Variants in CEACAM6 observed in about 807,000 individuals in gnomAD.
CEACAM6 encodes the protein cell adhesion molecule CEACAM6.
In CEACAM6, 21 loss-of-function variants were observed where a neutral mutation model predicts 32.4. The ratio of observed to expected loss-of-function variants is 0.65; its 90% CI spans 0.46 to 0.93. The LOEUF is 0.93. Ranked by LOEUF, CEACAM6 falls within the 40% of genes least tolerant of loss-of-function variation. The pLI is 0.00. For synonymous variants in CEACAM6, 184 were observed against 174.4 expected (o/e 1.06, Z -0.43); for missense variants, 406 against 432.2 (o/e 0.94, Z 0.54).
chr19:41,769,340 C>T (rs1160161695), intron 5 of CEACAM6, among the ~76,000 whole-genome samples: 2 of 152,116 alleles, frequency 1.3e-5, no homozygotes, highest in Non-Finnish European at 2.9e-5. Context: ...GAAAATACTC[C>T]GACATGTACT....
chr19:41,760,005 C>A (rs571121032), intron 2 of CEACAM6, among the ~76,000 whole-genome samples: 1 of 152,286 alleles, frequency 6.6e-6, no homozygotes, highest in African/African-American at 2.4e-5. Flanking sequence ...TGCAAATATT[C>A]AAAAATCCAG....
intron 5 of CEACAM6, 144 bp downstream of exon 5, chr19:41,766,443 C>T: frequency 2.1e-6 from 1 of 469,372 alleles, no homozygotes; most frequent in Non-Finnish European, 3.8e-6. Flanking sequence ...TCCTGCAGGT[C>T]TCTTCTTCCC....
rs1555821887 is a variant in CEACAM6, at chr19:41,761,506, C to T, written c.682C>T (p.Pro228Ser). Residue 228 changes from proline (P) to serine (S), a missense_variant, in exon 3 of 6, where the codon CCA becomes TCA. By Grantham distance (74) the Pro-to-Ser change is moderately conservative (BLOSUM62 -1). Coordinates refer to ENST00000199764, the MANE Select transcript of CEACAM6 (RefSeq NM_002483.7). Reference sequence around the variant, plus strand: ...CCCAGCGAGTGCCAACCGCAGTGACCCAGTCACCCTGAATGTCCTCTGTGA... The same window carrying T: ...CCCAGCGAGTGCCAACCGCAGTGACTCAGTCACCCTGAATGTCCTCTGTGA... ...QNPASANRSD[P>S]VTLNVLYGPD... 6.2e-7 allele frequency: 1 copy of T among 1,614,006 alleles called. No homozygotes were observed. Among genetic ancestry groups the T allele is most frequent in the Non-Finnish European group, 8.5e-7 (1 of 1,180,018 alleles).
chr19:41,767,461 T>C (rs1419048565), intron 5 of CEACAM6, among the ~76,000 whole-genome samples: 1 of 152,148 alleles, frequency 6.6e-6, no homozygotes, highest in Non-Finnish European at 1.5e-5. Context: ...AGATAAGACC[T>C]GAAAAATAAT....
At chr19:41,762,339 C>A (rs1346714954) in intron 4 of CEACAM6, 116 bp downstream of exon 4, 2 of 1,193,390 alleles carry the variant, frequency 1.7e-6, no homozygotes, top group African/African-American at 1.5e-5. Flanking sequence ...ACGCAAATCC[C>A]AAATTCTCCC....
At chr19:41,766,338 C>A in intron 5 of CEACAM6, 39 bp downstream of exon 5, 1 of 1,079,322 alleles carries the variant, frequency 9.3e-7, no homozygotes. Flanking sequence ...TCCTGCAGGG[C>A]TGACCACCAT....
intron 3 of CEACAM6, 122 bp from the exon 4 acceptor site, chr19:41,761,847 G>A: frequency 7.9e-7 from 1 of 1,271,352 alleles, no homozygotes; most frequent in Non-Finnish European, 1.1e-6. Flanking sequence ...GACATAGCGG[G>A]GGTTTGGTTG....
At chr19:41,762,350 CT>C (rs1254007034) in intron 4 of CEACAM6, 127 bp downstream of exon 4, 1 of 1,063,386 alleles carries the variant, frequency 9.4e-7, no homozygotes, top group Non-Finnish European at 1.4e-6. Context: ...AAATTCTCCC[CT>C]GAACCCTCCC....
intron 5 of CEACAM6, among the ~76,000 whole-genome samples, chr19:41,769,147 G>A (rs889216555): frequency 6.6e-6 from 1 of 152,040 alleles, no homozygotes; most frequent in Non-Finnish European, 1.5e-5. Context: ...GTTTCTCCAT[G>A]GTGATAAGGC....
At chr19:41,768,678 G>A (rs1395255259) in intron 5 of CEACAM6, among the ~76,000 whole-genome samples, 3 of 151,864 alleles carry the variant, frequency 2.0e-5, no homozygotes, top group Non-Finnish European at 2.9e-5. Flanking sequence ...AGGGGCGGCC[G>A]GGCAGAGGCG....
At chr19:41,767,235 C>T (rs1440029029) in intron 5 of CEACAM6, among the ~76,000 whole-genome samples, 4 of 152,126 alleles carry the variant, frequency 2.6e-5, no homozygotes, top group African/African-American at 9.7e-5. Context: ...ATCTCCCCTC[C>T]ACTACCTGCC....
Position 41,756,827 on chromosome 19 carries a change from C to T in CEACAM6, c.292C>T (p.Arg98Ter), listed in dbSNP as rs1555821181. The stretch of plus-strand genomic sequence containing the variant: ...TACCCCAGGGCCCGCATACAGTGGT[C>T]GAGAGACAATATACCCCAATGCATC... ...QATPGPAYSG[R>*]ETIYPNASLL... Residue 98 changes from arginine (R) to a stop codon, truncating the protein, a stop_gained, in exon 2 of 6, where the codon CGA becomes TGA. Coordinates refer to ENST00000199764, the MANE Select transcript of CEACAM6 (RefSeq NM_002483.7). LOFTEE classifies it high-confidence loss of function. The T allele has an allele frequency of 3.7e-6, 6 of 1,613,952 alleles. No homozygotes were observed. Among genetic ancestry groups the T allele is most frequent in the East Asian group, 2.2e-5 (1 of 44,882 alleles).
At chr19:41,760,857 A>AG (rs35583854) in intron 2 of CEACAM6, among the ~76,000 whole-genome samples, 6,189 of 152,220 alleles carry the variant, frequency 0.041, 205 homozygotes, top group Non-Finnish European at 0.063. Context: ...AAATACAGCT[A>AG]GGGGGGCAAA....
chr19:41,757,843 G>A (rs1023048606), intron 2 of CEACAM6: 2 of 152,254 alleles, frequency 1.3e-5, no homozygotes, highest in South Asian at 2.1e-4. Flanking sequence ...CAGCCAAATA[G>A]CACTTATCCT....
chr19:41,755,656 C>T lies in CEACAM6; in HGVS notation c.18C>T (p.Ala6=). 1 of 1,609,688 alleles carries T rather than the reference C, an allele frequency of 6.2e-7. No homozygotes were observed. Among genetic ancestry groups the T allele is most frequent in the Non-Finnish European group, 8.5e-7 (1 of 1,178,092 alleles). The stretch of plus-strand genomic sequence containing the variant: ...CAGAGACCATGGGACCCCCCTCAGC[C>T]CCTCCCTGCAGATTGCATGTCCCCT... The part of the protein sequence containing the change: MGPPS[A]PPCRLHVPWK... Residue 6 remains alanine, a synonymous_variant, in exon 1 of 6, where the codon GCC becomes GCT. Transcript: ENST00000199764.
At chr19:41,758,983 G>T (rs3795020) in intron 2 of CEACAM6, among the ~76,000 whole-genome samples, 48,880 of 152,086 alleles carry the variant, frequency 0.32, 8,097 homozygotes, top group East Asian at 0.51. Context: ...ACAGGCCACG[G>T]GACAGGGACA....
intron 5 of CEACAM6, among the ~76,000 whole-genome samples, chr19:41,770,424 T>C (rs2072987234): frequency 1.3e-5 from 2 of 151,390 alleles, no homozygotes; most frequent in Non-Finnish European, 2.9e-5. Flanking sequence ...TGTGCGTACA[T>C]GGGCCTATAC....
chr19:41,771,134 A>G lies in CEACAM6; in HGVS notation c.*373A>G, dbSNP rs782063647. 4.6e-5 allele frequency: 7 copies of G among 152,232 alleles called. No individual in the cohort carries two copies. The highest frequency in any genetic ancestry group is 8.8e-5 in the Non-Finnish European group (6 of 68,050). 9.4% of individuals were successfully genotyped at this position (152,232 alleles called of 1,614,324 possible). A position where few individuals can be genotyped will look rare whatever the true frequency, so the allele number is the denominator to read the frequency against. On this transcript the variant is annotated 3_prime_UTR_variant, in exon 6 of 6. Coordinates refer to ENST00000199764, the MANE Select transcript of CEACAM6 (RefSeq NM_002483.7). ...CTTATGCCTGCCTCTTTCGCTTGGC[A>G]GGATGATGCTGTCATTAGTATTTCA...
intron 1 of CEACAM6, 104 bp from the exon 2 acceptor site, chr19:41,756,494 GCT>G: frequency 9.1e-7 from 1 of 1,094,962 alleles, no homozygotes; most frequent in Non-Finnish European, 1.3e-6. Context: ...ACACACACAC[GCT>G]CCAACGTGGA....
Sources: gnomAD v4.1 joint callset for allele counts (sites outside exome capture counted in the v4.1 genomes callset) on GRCh38, gnomAD v4.1.1 for gene constraint, MANE v1.5 for transcripts, NCBI Gene and HGNC (gene_info 2026-07-23, HGNC 2026-07-21) for gene names.